The following GBP4 variants were observed in gnomAD, a reference collection of about 807,000 sequenced individuals.
GBP4 encodes guanylate-binding protein 4.
Under a neutral mutation model 62.2 loss-of-function variants are expected in GBP4, and 69 were observed. That is an observed-to-expected ratio of 1.11 (90% confidence interval 0.91 to 1.36). GBP4 has a LOEUF of 1.36. GBP4 is among the 40% of genes most tolerant of loss of function. The probability of loss-of-function intolerance (pLI) is 0.00; values close to 1 mark genes in which losing one functional copy is unlikely to be tolerated. For synonymous variants in GBP4, 278 were observed against 274.6 expected (o/e 1.01, Z -0.12); for missense variants, 697 against 759.3 (o/e 0.92, Z 0.96).
At position 89,186,399 on chromosome 1, in the gene GBP4, C is replaced by T. The variant is rs144257890; in HGVS notation, c.1641G>A (p.Lys547=). The T allele has an allele frequency of 3.5e-6, 5 of 1,410,706 alleles. No homozygotes were observed. Among genetic ancestry groups the T allele is most frequent in the Middle Eastern group, 1.7e-4 (1 of 5,730 alleles). 87.4% of individuals were successfully genotyped at this position (1,410,706 alleles called of 1,614,324 possible). A position where few individuals can be genotyped will look rare whatever the true frequency, so the allele number is the denominator to read the frequency against. Residue 547 remains lysine, a synonymous_variant, in exon 10 of 11, where the codon AAG becomes AAA. Transcript: ENST00000355754. ...GGTTTTCCCTTTCCTCCTCCAACTT[C>T]TTCTCCATTTGGGCCATGTATTCCT... ...SFQEYMAQME[K]KLEEERENLL... is the part of the protein sequence containing the mutation.
At chr1:89,186,637 G>T in intron 9 of GBP4, 111 bp from the exon 10 acceptor site, 2 of 947,500 alleles carry the variant, frequency 2.1e-6, no homozygotes, top group Non-Finnish European at 3.1e-6. Context: ...TGAGGGATTG[G>T]GAATCTCTGA....
intron 8 of GBP4, 34 bp from the exon 9 acceptor site, chr1:89,187,136 G>A: frequency 6.4e-7 from 1 of 1,559,768 alleles, no homozygotes; most frequent in Non-Finnish European, 8.8e-7. Flanking sequence ...GACCTGTCAG[G>A]CAGCAAAGGT....
Position 89,186,233 on chromosome 1 carries a change from T to G in GBP4, c.1707+100A>C. The G allele has an allele frequency of 3.4e-6, 3 of 879,812 alleles. No individual in the cohort carries two copies. The South Asian group carries it at 5.0e-5, about 15-fold the overall frequency. 54.5% of individuals were successfully genotyped at this position (879,812 alleles called of 1,614,324 possible). On this transcript the variant is annotated intron_variant, in intron 10 of 10. Transcript: ENST00000355754. ...TAGTGAAACATACAACTTTTGTGTT[T>G]CCTTCTGGAATCATGACTGTGCCTA...
At position 89,187,006 on chromosome 1, in the gene GBP4, T is replaced by C. The variant is rs775349718; in HGVS notation, c.1507A>G (p.Ile503Val). The C allele has an allele frequency of 1.2e-6, 2 of 1,613,976 alleles. No individual in the cohort carries two copies. The highest frequency in any genetic ancestry group is 1.1e-5 in the South Asian group (1 of 91,078). ...DKALTAGEKA[I>V]AAERAMKEAA... Reference sequence around the variant, plus strand: ...CTGAGCCCTGCCCCTGTACCTGCTATGGCCTTCTCTCCAGCAGTGAGGGCT... The same window carrying C: ...CTGAGCCCTGCCCCTGTACCTGCTACGGCCTTCTCTCCAGCAGTGAGGGCT... Residue 503 changes from isoleucine (I) to valine (V), a missense_variant, in exon 9 of 11, where the codon ATA becomes GTA. By Grantham distance (29) the Ile-to-Val change is conservative. Transcript: ENST00000355754.
At chr1:89,187,645 CA>C (rs959487462) in intron 8 of GBP4, among the ~76,000 whole-genome samples, 1 of 151,908 alleles carries the variant, frequency 6.6e-6, no homozygotes, top group African/African-American at 2.4e-5. Context: ...AATAAACACT[CA>C]AAAAACCAAT....
intron 6 of GBP4, among the ~76,000 whole-genome samples, 182 bp from the exon 7 acceptor site, chr1:89,190,500 C>T (rs1467743143): frequency 6.6e-6 from 1 of 152,138 alleles, no homozygotes; most frequent in East Asian, 1.9e-4. Flanking sequence ...TAATAACATC[C>T]CTATTTTTCC....
At chr1:89,193,510 G>T in intron 3 of GBP4, 98 bp from the exon 4 acceptor site, 1 of 1,023,966 alleles carries the variant, frequency 9.8e-7, no homozygotes, top group East Asian at 2.5e-5. Context: ...TATGATAGTT[G>T]AATAATAGGG....
Position 89,190,276 on chromosome 1 carries a change from C to G in GBP4, c.959G>C (p.Ser320Thr), listed in dbSNP as rs150829936. The G allele has an allele frequency of 3.1e-6, 5 of 1,613,700 alleles. No individual in the cohort carries two copies. In the African/African-American group the frequency reaches 6.7e-5, roughly 22 times the overall value. Residue 320 changes from serine to threonine, a missense_variant, in exon 7 of 11, where the codon AGT (serine) becomes ACT (threonine). Ser to Thr is a moderately conservative substitution (Grantham distance 58). Around this residue, in one of 2 missense-constraint regions of GBP4, gnomAD observed 556 missense variants for 562.7 expected, o/e 0.99. Transcript: ENST00000355754. ...LVVTYVDAIN[S>T]GAVPCLENAV... is the part of the protein sequence containing the mutation. The stretch of plus-strand genomic sequence containing the variant: ...ATTCTCCAGACAAGGTACTGCTCCA[C>G]TGTTGATGGCATCTACATAAGTCAC...
intron 7 of GBP4, 115 bp downstream of exon 7, chr1:89,189,923 C>T: frequency 9.7e-7 from 1 of 1,034,204 alleles, no homozygotes; most frequent in Non-Finnish European, 1.4e-6. Context: ...CTGTTATTCA[C>T]AAGAAACCAT....
chr1:89,197,409 A>G, intron 1 of GBP4, 105 bp from the exon 2 acceptor site: 1 of 795,262 alleles, frequency 1.3e-6, no homozygotes, highest in Non-Finnish European at 1.9e-6. Flanking sequence ...GGAATGGTAT[A>G]TAAAATTTCT....
intron 10 of GBP4, 86 bp from the exon 11 acceptor site, chr1:89,185,555 G>A: frequency 1.4e-6 from 1 of 712,894 alleles, no homozygotes; most frequent in Non-Finnish European, 2.4e-6. Flanking sequence ...CAACGTTTAA[G>A]CATATGTGTC....
rs1453324786 is a variant in GBP4 at position 89,191,596 on chromosome 1, A to G, written c.671-90T>C. ...TTTCCAGGGATCTTTGCATCCCTGC[A>G]GCTCCCCTGCCTTGTAAATCTTGTT... On this transcript the variant is annotated intron_variant, in intron 5 of 10. Coordinates refer to ENST00000355754, the MANE Select transcript of GBP4 (RefSeq NM_052941.5). 4 of 1,274,680 alleles carry G rather than the reference A, an allele frequency of 3.1e-6. No individual in the cohort carries two copies. The Admixed American group carries it at 6.5e-5, about 21-fold the overall frequency. 79.0% of individuals were successfully genotyped at this position (1,274,680 alleles called of 1,614,324 possible).
At chr1:89,191,047 G>C (rs1457661178) in intron 6 of GBP4, among the ~76,000 whole-genome samples, 1 of 152,082 alleles carries the variant, frequency 6.6e-6, no homozygotes, top group African/African-American at 2.4e-5. Flanking sequence ...TATGCCATTA[G>C]TGTATTAATT....
rs1451339717 is a variant in GBP4 at position 89,197,126 on chromosome 1, A to T, written c.219T>A (p.Leu73=). The T allele has an allele frequency of 3.1e-6, 5 of 1,613,068 alleles. No individual in the cohort carries two copies. The highest frequency in any genetic ancestry group is 4.2e-6 in the Non-Finnish European group (5 of 1,179,320). The change falls in exon 2 of 11, where the codon CTT becomes CTA. Residue 73 remains leucine, a synonymous_variant. Transcript: ENST00000355754. ...RTGKSYLMNR[L]AGKRNGFPLG... Reference sequence around the variant, plus strand: ...CACACTCACCATTGCGCTTTCCTGCAAGACGATTCATGAGATAGGATTTTC... The same window carrying T: ...CACACTCACCATTGCGCTTTCCTGCTAGACGATTCATGAGATAGGATTTTC...
Position 89,181,216 on chromosome 1 carries a change from G to A in GBP4, c.*4038C>T, listed in dbSNP as rs1647871102. On this transcript the variant is annotated 3_prime_UTR_variant, in exon 11 of 11. Coordinates refer to ENST00000355754, the MANE Select transcript of GBP4 (RefSeq NM_052941.5). ...GAGTCCGAAAAGACAGTCAGTGAAGGGAGATAGGGTTGGGACCATTTTACA... is the reference window on the plus strand; with the variant it reads ...GAGTCCGAAAAGACAGTCAGTGAAGAGAGATAGGGTTGGGACCATTTTACA... 1 of 152,114 alleles carries A rather than the reference G, an allele frequency of 6.6e-6. No homozygotes were observed. Among genetic ancestry groups the A allele is most frequent in the Non-Finnish European group, 1.5e-5 (1 of 68,036 alleles). 9.4% of individuals were successfully genotyped at this position (152,114 alleles called of 1,614,324 possible).
chr1:89,188,599 G>A lies in GBP4; in HGVS notation c.1393C>T (p.Pro465Ser), dbSNP rs767966649. The A allele has an allele frequency of 6.2e-7, 1 of 1,613,752 alleles. No homozygotes were observed. The highest frequency in any genetic ancestry group is 8.5e-7 in the Non-Finnish European group (1 of 1,179,698). ...TTCCTCACCTTAACTCCTTTTCTGG[G>A]CACTAGCTTATAGTCCCACTCAACC... ...KQVEWDYKLV[P>S]RKGVKANEVL... Residue 465 changes from proline to serine, a missense_variant, in exon 8 of 11, where the codon CCC (proline) becomes TCC (serine). By Grantham distance (74) the Pro-to-Ser change is moderately conservative. Transcript: ENST00000355754.
Position 89,181,544 on chromosome 1 carries a change from A to G in GBP4, c.*3710T>C, listed in dbSNP as rs1647880464. 6.6e-6 allele frequency: 1 copy of G among 152,096 alleles called. No individual in the cohort carries two copies. The highest frequency in any genetic ancestry group is 2.4e-5 in the African/African-American group (1 of 41,412). The allele number at this position is 152,096 out of a possible 1,614,324, so 9.4% of individuals were successfully genotyped here. On this transcript the variant is annotated 3_prime_UTR_variant, in exon 11 of 11. Transcript: ENST00000355754. ...TACTAAATAGATATAAAATATATTTACTAACTATAAGTATATATTTACTAA... is the reference window on the plus strand; with the variant it reads ...TACTAAATAGATATAAAATATATTTGCTAACTATAAGTATATATTTACTAA...
chr1:89,195,322 G>T lies in GBP4; in HGVS notation c.338C>A (p.Thr113Asn). 6.2e-7 allele frequency: 1 copy of T among 1,614,008 alleles called. No individual in the cohort carries two copies. Among genetic ancestry groups the T allele is most frequent in the Non-Finnish European group, 8.5e-7 (1 of 1,179,932 alleles). ...KPNHTLVLLD[T>N]EGLGDVEKSN... is the part of the protein sequence containing the mutation. ...CTTTTCTACATCGCCCAGGCCCTCG[G>T]TGTCCAGAAGGACCAGGGTGTGGTT... is the stretch of plus-strand genomic sequence containing the variant. Residue 113 changes from threonine to asparagine, a missense_variant, in exon 3 of 11, where the codon ACC (threonine) becomes AAC (asparagine). This residue lies in a region of GBP4 where 556 missense variants were observed against 562.7 expected (regional missense o/e 0.99). Transcript: ENST00000355754.
At chr1:89,186,936 G>T in intron 9 of GBP4, 64 bp downstream of exon 9, 1 of 1,404,930 alleles carries the variant, frequency 7.1e-7, no homozygotes, top group Non-Finnish European at 1.0e-6. Flanking sequence ...CTTTCAGTGT[G>T]ATCAGCAAGA....
Sources: allele counts gnomAD v4.1 joint callset (sites outside exome capture counted in the v4.1 genomes callset), GRCh38; gene constraint gnomAD v4.1.1; regional missense constraint gnomAD v4.1.1; transcripts MANE v1.5; gene names NCBI Gene and HGNC (gene_info 2026-07-23, HGNC 2026-07-21).